Variants in SLIT3 observed in about 807,000 individuals in gnomAD.
The protein encoded by SLIT3 is slit homolog 3 protein.
A neutral mutation model predicts 184.0 loss-of-function variants in SLIT3; 68 were observed. That is an observed-to-expected ratio of 0.37 (90% CI 0.30 to 0.45). SLIT3 has a LOEUF of 0.45. SLIT3 is among the 20% of genes least tolerant of loss of function. SLIT3 has a pLI of 1.00. For synonymous variants in SLIT3, 831 were observed against 828.6 expected, an observed-to-expected ratio of 1.00 and a Z score of -0.05; for missense variants, 1,707 against 2,026.0, an observed-to-expected ratio of 0.84 and a Z score of 3.02.
At chr5:168,833,073 C>T (rs1004325521) in intron 6 of SLIT3, among the ~76,000 whole-genome samples, 3 of 152,206 alleles carry the variant, frequency 2.0e-5, no homozygotes, top group African/African-American at 7.2e-5. Flanking sequence ...GTTTCTCCCC[C>T]CACAACCATC....
At chr5:169,290,528 T>C (rs981756529) in intron 1 of SLIT3, among the ~76,000 whole-genome samples, 17 of 136,910 alleles carry the variant, frequency 1.2e-4, no homozygotes, top group African/African-American at 4.7e-4. Context: ...CTAGGGCATA[T>C]ACTAGGGCGC....
At chr5:169,032,041 T>G (rs896754005) in intron 4 of SLIT3, among the ~76,000 whole-genome samples, 2 of 152,174 alleles carry the variant, frequency 1.3e-5, no homozygotes, top group African/African-American at 4.8e-5. Context: ...ATGTCCTGGA[T>G]GTGTAACGTA....
chr5:169,022,383 A>C (rs1756634378), intron 4 of SLIT3, among the ~76,000 whole-genome samples: 1 of 152,168 alleles, frequency 6.6e-6, no homozygotes, highest in Admixed American at 6.5e-5. Flanking sequence ...GCACCGCTAT[A>C]CTCTCTGAAA....
At chr5:169,268,709 G>C (rs1766490565) in intron 1 of SLIT3, among the ~76,000 whole-genome samples, 1 of 152,166 alleles carries the variant, frequency 6.6e-6, no homozygotes, top group Non-Finnish European at 1.5e-5. Context: ...CTGCAAAATG[G>C]GTTAGCAGCA....
chr5:169,072,758 A>G (rs2113130242), intron 4 of SLIT3, among the ~76,000 whole-genome samples: 1 of 152,360 alleles, frequency 6.6e-6, no homozygotes, highest in Admixed American at 6.5e-5. Flanking sequence ...GGCACTGGCC[A>G]GAGTAATCCT....
At chr5:169,252,534 G>A (rs956204623) in intron 1 of SLIT3, among the ~76,000 whole-genome samples, 7 of 152,016 alleles carry the variant, frequency 4.6e-5, no homozygotes, top group African/African-American at 7.2e-5. Context: ...AAGACTGAAC[G>A]CCAAAAAAAG....
chr5:168,829,913 G>A (rs565055258), intron 6 of SLIT3, among the ~76,000 whole-genome samples: 69 of 152,290 alleles, frequency 4.5e-4, no homozygotes, highest in Non-Finnish European at 7.5e-4. Flanking sequence ...CAGGGCAAGA[G>A]GAATGAAACT....
chr5:169,124,956 A>T (rs550050124), intron 4 of SLIT3, among the ~76,000 whole-genome samples: 2 of 152,188 alleles, frequency 1.3e-5, no homozygotes, highest in African/African-American at 4.8e-5. Context: ...GGCCAATCCT[A>T]TGGTTGGAAC....
intron 29 of SLIT3, 124 bp from the exon 30 acceptor site, chr5:168,687,240 A>G: frequency 1.8e-6 from 2 of 1,101,790 alleles, no homozygotes; most frequent in Admixed American, 4.2e-5. Flanking sequence ...TTCCTTTGGG[A>G]TCTGCAAAGC....
intron 1 of SLIT3, among the ~76,000 whole-genome samples, chr5:169,271,145 T>C (rs1386884642): frequency 1.3e-5 from 2 of 152,192 alleles, no homozygotes. Context: ...ATGACAATGA[T>C]GCTCATAGTT....
At chr5:169,254,032 C>T (rs1386216271) in intron 1 of SLIT3, among the ~76,000 whole-genome samples, 1 of 152,218 alleles carries the variant, frequency 6.6e-6, no homozygotes, top group African/African-American at 2.4e-5. Flanking sequence ...AACACACATA[C>T]TGCCAGGAAG....
intron 27 of SLIT3, among the ~76,000 whole-genome samples, chr5:168,698,641 T>G (rs1490555038): frequency 6.6e-6 from 1 of 152,110 alleles, no homozygotes; most frequent in Non-Finnish European, 1.5e-5. Context: ...ATGGCAGCCC[T>G]AAGGAATTAC....
At position 169,044,589 on chromosome 5, in the gene SLIT3, G is replaced by GT. The variant is rs373535197; in HGVS notation, c.413+148889_413+148890insA. On this transcript the variant is annotated intron_variant, in intron 4 of 35. Coordinates refer to ENST00000519560, the MANE Select transcript of SLIT3 (RefSeq NM_003062.4). ...ATTTGCTGGGGGCTGGAGGAAGGTG[G>GT]GGGGGGGGATGGGGAGAAATTGTTA... Among the ~76,000 whole-genome samples the GT allele has an allele frequency of 5.9e-3, 542 of 92,478 alleles. 5 individuals carry two copies. The highest frequency in any genetic ancestry group is 0.026 in the African/African-American group (522 of 19,756). 60.7% of individuals were successfully genotyped at this position (92,478 alleles called of 152,430 possible).
chr5:168,974,119 G>A (rs143787582), intron 4 of SLIT3, among the ~76,000 whole-genome samples: 14 of 152,208 alleles, frequency 9.2e-5, no homozygotes, highest in Non-Finnish European at 2.1e-4. Context: ...TTCAGAGTTT[G>A]TTCTGAAGTT....
chr5:169,128,455 G>A (rs182699918), intron 4 of SLIT3, among the ~76,000 whole-genome samples: 29 of 152,058 alleles, frequency 1.9e-4, no homozygotes, highest in African/African-American at 7.0e-4. Context: ...TTAAGGTGGA[G>A]ACACCCTGTT....
intron 6 of SLIT3, among the ~76,000 whole-genome samples, chr5:168,844,089 G>A (rs1040618910): frequency 3.3e-5 from 5 of 150,966 alleles, no homozygotes; most frequent in Non-Finnish European, 5.9e-5. Context: ...GCTTTCCCAG[G>A]CTGTGTGGCA....
rs1424220521 is a variant in SLIT3 at position 168,692,601 on chromosome 5, T to C, written c.3176+6A>G. The C allele has an allele frequency of 6.2e-7, 1 of 1,610,458 alleles. No homozygotes were observed. Among genetic ancestry groups the C allele is most frequent in the Non-Finnish European group, 8.5e-7 (1 of 1,177,136 alleles). On this transcript the variant is annotated splice_donor_region_variant and intron_variant, in intron 29 of 35. Coordinates refer to ENST00000519560, the MANE Select transcript of SLIT3 (RefSeq NM_003062.4). ...TCTGTGCTGGGGGCACGAAGCCAGG[T>C]CTTACCTGAATCCTTTGTCCAGGGG... is the stretch of plus-strand genomic sequence containing the variant.
chr5:168,874,596 AC>A (rs765145768), intron 5 of SLIT3, among the ~76,000 whole-genome samples: 3 of 152,156 alleles, frequency 2.0e-5, no homozygotes, highest in Non-Finnish European at 4.4e-5. Context: ...CTGCCAGAAG[AC>A]CTGTGGTACT....
intron 4 of SLIT3, among the ~76,000 whole-genome samples, chr5:168,889,565 T>C (rs1760359066): frequency 1.3e-5 from 2 of 152,212 alleles, no homozygotes; most frequent in Non-Finnish European, 2.9e-5. Flanking sequence ...AGGATATCAA[T>C]AAAAGCTCCT....
Sources: allele counts gnomAD v4.1 joint callset (sites outside exome capture counted in the v4.1 genomes callset), GRCh38; gene constraint gnomAD v4.1.1; transcripts MANE v1.5; gene names NCBI Gene and HGNC (gene_info 2026-07-23, HGNC 2026-07-21).